Variants in SYT14 observed in about 807,000 individuals in gnomAD.
SYT14 encodes synaptotagmin-14.
A neutral mutation model predicts 74.2 loss-of-function variants in SYT14; 32 were observed. The observed-to-expected ratio is 0.43, with a 90% confidence interval of 0.33 to 0.58. SYT14 has a LOEUF of 0.58. Ranked by LOEUF, SYT14 falls within the 20% of genes least tolerant of loss-of-function variation. SYT14 has a pLI of 0.05. For synonymous variants in SYT14, 298 were observed against 337.7 expected, an observed-to-expected ratio of 0.88 and a Z score of 1.29; for missense variants, 791 against 981.8, an observed-to-expected ratio of 0.81 and a Z score of 2.60.
chr1:210,084,081 G>A (rs1208833749), intron 5 of SYT14, among the ~76,000 whole-genome samples: 2 of 152,106 alleles, frequency 1.3e-5, no homozygotes, highest in African/African-American at 2.4e-5. Context: ...ATTTTTTAGC[G>A]CCATTACTTA....
rs867772047 is a variant in SYT14, at chr1:210,070,137, A to G, written c.1313-24185A>G. On this transcript the variant is annotated intron_variant, in intron 5 of 9. Transcript: ENST00000637265. ...ATTCTTTTCATGTTTTAACCTTTGC[A>G]TACAACTTCTCTCGTTCCGCTCTCC... Among the ~76,000 whole-genome samples the G allele has an allele frequency of 1.4e-4, 21 of 152,190 alleles. 1 individual carries two copies. In the Middle Eastern group the frequency reaches 0.014, roughly 99 times the overall value.
chr1:210,133,702 G>C (rs2082722996), intron 7 of SYT14, among the ~76,000 whole-genome samples: 1 of 152,142 alleles, frequency 6.6e-6, no homozygotes, highest in Admixed American at 6.5e-5. Flanking sequence ...TCTTGTGCAA[G>C]GTGGAGGTGA....
At chr1:210,027,181 AAAG>A (rs1294863157) in intron 5 of SYT14, among the ~76,000 whole-genome samples, 1 of 152,202 alleles carries the variant, frequency 6.6e-6, no homozygotes, top group African/African-American at 2.4e-5. Flanking sequence ...AAGCTAGAAA[AAAG>A]AAAATGTTAT....
Position 210,020,155 on chromosome 1 carries a change from C to T in SYT14, c.1097-884C>T, listed in dbSNP as rs374917870. Among the ~76,000 whole-genome samples, 5 of 152,214 alleles carry T rather than the reference C, an allele frequency of 3.3e-5. No individual in the cohort carries two copies. In the East Asian group the frequency reaches 5.8e-4, roughly 18 times the overall value. ...AATTATAACTTCTACTTTTTTACCT[C>T]CTTTTTTCTCATAACATGATATTGT... On this transcript the variant is annotated intron_variant, in intron 4 of 9. Transcript: ENST00000637265.
chr1:210,063,262 T>C (rs1291075108), intron 5 of SYT14, among the ~76,000 whole-genome samples: 1 of 151,640 alleles, frequency 6.6e-6, no homozygotes, highest in Admixed American at 6.6e-5. Flanking sequence ...GAAGTGGAGA[T>C]CTAGCATTCT....
chr1:210,026,792 G>T (rs2080423070), intron 5 of SYT14, among the ~76,000 whole-genome samples: 1 of 98,084 alleles, frequency 1.0e-5, no homozygotes, highest in African/African-American at 7.3e-5. Context: ...ATATTTAAGA[G>T]TAATAGATTG....
intron 7 of SYT14, among the ~76,000 whole-genome samples, chr1:210,152,326 TC>T (rs1036376726): frequency 2.2e-4 from 34 of 152,308 alleles, no homozygotes; most frequent in African/African-American, 7.9e-4. Context: ...CTTCATTACT[TC>T]TACAGCCAGT....
intron 7 of SYT14, among the ~76,000 whole-genome samples, chr1:210,144,945 G>A (rs1021767166): frequency 6.6e-6 from 1 of 152,062 alleles, no homozygotes. Context: ...CCCAATATGT[G>A]TCAGCAGTGA....
intron 4 of SYT14, among the ~76,000 whole-genome samples, 189 bp from the exon 4 acceptor site, chr1:210,020,847 TATA>T (rs1225836577): frequency 2.1e-5 from 3 of 142,512 alleles, no homozygotes; most frequent in African/African-American, 9.4e-5. Context: ...TCAGGTTGTG[TATA>T]ATATATATGT....
chr1:210,143,100 A>G (rs2082953689), intron 7 of SYT14, among the ~76,000 whole-genome samples: 1 of 152,202 alleles, frequency 6.6e-6, no homozygotes, highest in African/African-American at 2.4e-5. Context: ...TTTTAGTAGT[A>G]AGGAAGAGCC....
intron 7 of SYT14, among the ~76,000 whole-genome samples, chr1:210,116,723 T>C (rs1370059370): frequency 6.6e-6 from 1 of 152,208 alleles, no homozygotes; most frequent in African/African-American, 2.4e-5. Flanking sequence ...TATGGTATTT[T>C]TCATAGTATC....
At chr1:210,160,212 G>C (rs1278197601) in intron 9 of SYT14, among the ~76,000 whole-genome samples, 2 of 152,028 alleles carry the variant, frequency 1.3e-5, no homozygotes, top group Non-Finnish European at 2.9e-5. Context: ...ATCCTAAGCT[G>C]TTTTGATGTC....
rs58806792 is a variant in SYT14, at chr1:209,943,508, CAAAAAAAAAAAA to C, written c.-534+5249_-534+5260del. Among the ~76,000 whole-genome samples the C allele has an allele frequency of 4.1e-3, 245 of 59,352 alleles. 3 individuals are homozygous for C. The highest frequency in any genetic ancestry group is 9.2e-3 in the African/African-American group (137 of 14,914). The allele number at this position is 59,352 out of a possible 152,430, so 38.9% of individuals were successfully genotyped here. ...TGGACAACAGAGCGAGATTCAATCT[CAAAAAAAAAAAA>C]AAAAAAAAAAAAAAAAAGAGAATGC... On this transcript the variant is annotated intron_variant, in intron 1 of 9. Coordinates refer to ENST00000637265, the Ensembl canonical transcript of SYT14.
At chr1:209,938,427 G>C in intron 1 of SYT14, 150 bp downstream of exon 1, 2 of 672,374 alleles carry the variant, frequency 3.0e-6, no homozygotes, top group Admixed American at 4.0e-5. Context: ...GCCGCGTCTC[G>C]GGAGGCGGGT....
At chr1:210,122,605 ATT>A (rs989222838) in intron 7 of SYT14, among the ~76,000 whole-genome samples, 2 of 140,988 alleles carry the variant, frequency 1.4e-5, no homozygotes, top group African/African-American at 5.2e-5. Context: ...TCTCTGTCGC[ATT>A]TTTTTTTTTT....
At chr1:210,152,024 G>A (rs2083175169) in intron 7 of SYT14, among the ~76,000 whole-genome samples, 1 of 152,172 alleles carries the variant, frequency 6.6e-6, no homozygotes, top group Non-Finnish European at 1.5e-5. Context: ...TCTAACAGAT[G>A]CTGCTAGTAT....
intron 2 of SYT14, among the ~76,000 whole-genome samples, chr1:209,977,153 T>G (rs1439065456): frequency 2.0e-5 from 3 of 152,242 alleles, no homozygotes; most frequent in Non-Finnish European, 4.4e-5. Context: ...GTCTTGACTG[T>G]TTGTCCAATT....
At chr1:210,086,653 C>A (rs2081739112) in intron 5 of SYT14, among the ~76,000 whole-genome samples, 1 of 152,122 alleles carries the variant, frequency 6.6e-6, no homozygotes, top group African/African-American at 2.4e-5. Context: ...AAGCCAAGAC[C>A]CAGGCGCTCA....
exon 5 of SYT14, chr1:210,021,122 T>A: frequency 1.2e-6 from 2 of 1,614,018 alleles, no homozygotes; most frequent in Non-Finnish European, 1.7e-6. Flanking sequence ...TGAGGCCTTA[T>A]CCAGAACACA....
Sources: allele counts gnomAD v4.1 joint callset (sites outside exome capture counted in the v4.1 genomes callset), GRCh38; gene constraint gnomAD v4.1.1; transcripts MANE v1.5; gene names NCBI Gene and HGNC (gene_info 2026-07-23, HGNC 2026-07-21).